The following NRCAM variants were observed in gnomAD, a reference collection of about 807,000 sequenced individuals.
NRCAM encodes NgCAM-related cell adhesion molecule.
In NRCAM, 83 loss-of-function variants were observed where a neutral mutation model predicts 156.5. The observed-to-expected ratio is 0.53, with a 90% CI of 0.44 to 0.64. The LOEUF (loss-of-function observed/expected upper bound fraction) is 0.64. Ranked by LOEUF, NRCAM falls within the 30% of genes least tolerant of loss-of-function variation. The probability of loss-of-function intolerance (pLI) is 0.00; values close to 1 mark genes in which losing one functional copy is unlikely to be tolerated. For missense variants in NRCAM, 1,417 were observed against 1,597.3 expected (o/e 0.89, Z 1.92); for synonymous variants, 538 against 563.9 (o/e 0.95, Z 0.65).
At chr7:108,374,719 T>C (rs1000622764) in intron 2 of NRCAM, among the ~76,000 whole-genome samples, 1 of 152,020 alleles carries the variant, frequency 6.6e-6, no homozygotes, top group African/African-American at 2.4e-5. Flanking sequence ...GCAAGGTAAG[T>C]CCACAAGCAA....
chr7:108,242,736 G>A (rs1375588106), intron 3 of NRCAM, among the ~76,000 whole-genome samples: 4 of 152,100 alleles, frequency 2.6e-5, no homozygotes, highest in African/African-American at 7.2e-5. Context: ...GGACTTAAGT[G>A]CCAAGTTCTC....
chr7:108,147,993 A>AGAC lies in NRCAM; in HGVS notation c.*1914_*1916dup, dbSNP rs2039661906. Reference sequence around the variant, plus strand: ...TGTTTTGTCTTTTTATATTTTCAAGAGACAGGTGGATCTGTGAAAAATGAA... The same window carrying AGAC: ...TGTTTTGTCTTTTTATATTTTCAAGAGACGACAGGTGGATCTGTGAAAAATGAA... On this transcript the variant is annotated 3_prime_UTR_variant, in exon 33 of 33. Transcript: ENST00000379028. 6.6e-6 allele frequency: 1 copy of AGAC among 152,634 alleles called. No individual in the cohort carries two copies. The highest frequency in any genetic ancestry group is 2.4e-5 in the African/African-American group (1 of 41,440). 9.5% of individuals were successfully genotyped at this position (152,634 alleles called of 1,614,324 possible).
At chr7:108,244,536 A>T (rs2095773880) in intron 3 of NRCAM, among the ~76,000 whole-genome samples, 1 of 152,182 alleles carries the variant, frequency 6.6e-6, no homozygotes, top group African/African-American at 2.4e-5. Flanking sequence ...TGTGGAGGAA[A>T]GGTTAGAGAG....
At position 108,292,602 on chromosome 7, in the gene NRCAM, T is replaced by C. The variant is rs374853213; in HGVS notation, c.-107+20063A>G. On this transcript the variant is annotated intron_variant, in intron 3 of 32. Coordinates refer to ENST00000379028, the MANE Select transcript of NRCAM (RefSeq NM_001037132.4). Reference sequence around the variant, plus strand: ...GGCAATGCTTCCTAGTGGTCAAGAATACACACTGGAACCAGTCTGACCTTG... The same window carrying C: ...GGCAATGCTTCCTAGTGGTCAAGAACACACACTGGAACCAGTCTGACCTTG... Among the ~76,000 whole-genome samples, 11 of 152,314 alleles carry C rather than the reference T, an allele frequency of 7.2e-5. 1 individual carries two copies. The highest frequency in any genetic ancestry group is 6.5e-4 in the Admixed American group (10 of 15,298).
intron 2 of NRCAM, among the ~76,000 whole-genome samples, chr7:108,320,330 T>C (rs897392811): frequency 4.2e-4 from 64 of 152,190 alleles, no homozygotes; most frequent in African/African-American, 1.5e-3. Flanking sequence ...CATGGTGGCA[T>C]GCACCTGTGG....
In NRCAM at chr7:108,246,841, A is replaced by C. The variant is rs868541872; in HGVS notation, c.-106-6671T>G. On this transcript the variant is annotated intron_variant, in intron 3 of 32. Transcript: ENST00000379028. The stretch of plus-strand genomic sequence containing the variant: ...TGTTGCATTGGTGGCCCCAGGAAGC[A>C]CCCTTCCCAGTATCCATGCCCTTGC... Among the ~76,000 whole-genome samples the C allele has an allele frequency of 1.8e-4, 27 of 152,256 alleles. No homozygotes were observed. The Middle Eastern group carries it at 0.027, about 153-fold the overall frequency.
chr7:108,373,870 T>C (rs771830273), intron 2 of NRCAM, among the ~76,000 whole-genome samples: 2 of 152,178 alleles, frequency 1.3e-5, no homozygotes, highest in Non-Finnish European at 2.9e-5. Context: ...CAACCACGTT[T>C]ATTCTAAATG....
At chr7:108,448,063 C>T (rs1479100720) in intron 1 of NRCAM, among the ~76,000 whole-genome samples, 1 of 152,138 alleles carries the variant, frequency 6.6e-6, no homozygotes, top group Non-Finnish European at 1.5e-5. Flanking sequence ...ATCTATTTAC[C>T]TTCCATTATA....
chr7:108,386,087 T>C (rs1016783583), intron 2 of NRCAM, among the ~76,000 whole-genome samples: 1 of 152,080 alleles, frequency 6.6e-6, no homozygotes, highest in African/African-American at 2.4e-5. Context: ...GTGATAAGTA[T>C]ATAAGGATGC....
chr7:108,320,423 G>A (rs528241946), intron 2 of NRCAM, among the ~76,000 whole-genome samples: 1 of 151,954 alleles, frequency 6.6e-6, no homozygotes, highest in Non-Finnish European at 1.5e-5. Flanking sequence ...CTCCAGCCTG[G>A]AGAACAGAGC....
Position 108,194,336 on chromosome 7 carries a change from C to T in NRCAM, c.1556G>A (p.Ser519Asn), listed in dbSNP as rs150312966. 8.7e-6 allele frequency: 14 copies of T among 1,613,332 alleles called. No individual in the cohort carries two copies. In the African/African-American group the frequency reaches 1.6e-4, roughly 18 times the overall value. The change falls in exon 16 of 33, where the codon AGT becomes AAT. Residue 519 changes from serine (S) to asparagine (N), a missense_variant. Ser to Asn is a conservative substitution (Grantham distance 46). Around this residue, in one of 2 missense-constraint regions of NRCAM, gnomAD observed 1,238 missense variants for 1,336.4 expected, o/e 0.93. Coordinates refer to ENST00000379028, the MANE Select transcript of NRCAM (RefSeq NM_001037132.4). ...TLEIPVAQKDSTGTYTCVARN... is the reference protein window; with the variant it reads ...TLEIPVAQKDNTGTYTCVARN... ...TGCAACACACGTATAAGTTCCTGTACTGTCCTTTTGGGCCACAGGAATTTC... is the reference window on the plus strand; with the variant it reads ...TGCAACACACGTATAAGTTCCTGTATTGTCCTTTTGGGCCACAGGAATTTC...
intron 3 of NRCAM, among the ~76,000 whole-genome samples, chr7:108,293,081 G>A (rs994175435): frequency 2.0e-5 from 3 of 152,070 alleles, no homozygotes; most frequent in African/African-American, 2.4e-5. Context: ...CCCAGAAAAC[G>A]GGGGTCAATG....
intron 1 of NRCAM, among the ~76,000 whole-genome samples, chr7:108,455,150 G>A (rs1243490184): frequency 6.6e-6 from 1 of 152,138 alleles, no homozygotes; most frequent in African/African-American, 2.4e-5. Context: ...GCGGCCCTGA[G>A]GACACCGCTT....
chr7:108,334,971 T>C (rs2099164330), intron 2 of NRCAM, among the ~76,000 whole-genome samples: 1 of 152,180 alleles, frequency 6.6e-6, no homozygotes, highest in African/African-American at 2.4e-5. Context: ...TAATAAAAGG[T>C]AGCATTTGTT....
At chr7:108,402,183 A>G (rs1038631392) in intron 1 of NRCAM, among the ~76,000 whole-genome samples, 3 of 152,200 alleles carry the variant, frequency 2.0e-5, no homozygotes, top group African/African-American at 7.2e-5. Flanking sequence ...ATTCATGGGT[A>G]AACAATTTTC....
At chr7:108,389,570 T>C (rs1304698051) in intron 2 of NRCAM, among the ~76,000 whole-genome samples, 1 of 152,194 alleles carries the variant, frequency 6.6e-6, no homozygotes, top group Non-Finnish European at 1.5e-5. Flanking sequence ...CTGATTGCCC[T>C]GGGCAGAACT....
intron 3 of NRCAM, among the ~76,000 whole-genome samples, chr7:108,248,945 G>T (rs1230547407): frequency 6.7e-6 from 1 of 148,590 alleles, no homozygotes; most frequent in Non-Finnish European, 1.5e-5. Flanking sequence ...TCATCTCGGC[G>T]ATTAGTCAGG....
chr7:108,344,985 T>C (rs1033733916), intron 2 of NRCAM, among the ~76,000 whole-genome samples: 3 of 152,152 alleles, frequency 2.0e-5, no homozygotes, highest in African/African-American at 4.8e-5. Context: ...ACTCTATCAA[T>C]AGAATAGGAT....
chr7:108,197,990 T>C lies in NRCAM; in HGVS notation c.1317A>G (p.Gly439=). The C allele has an allele frequency of 6.3e-7, 1 of 1,587,236 alleles. No homozygotes were observed. Among genetic ancestry groups the C allele is most frequent in the Non-Finnish European group, 8.6e-7 (1 of 1,169,054 alleles). Residue 439 remains glycine, a synonymous_variant, in exon 14 of 33, where the codon GGA becomes GGG. Transcript: ENST00000379028. The part of the protein sequence containing the change: ...VYQCNASNEY[G]YLLANAFVNV... The stretch of plus-strand genomic sequence containing the variant: ...TTACAAATGCGTTTGCCAGTAAATA[T>C]CCATATTCATTAGAGGCATTGCACT...
Sources: gnomAD v4.1 joint callset for allele counts (sites outside exome capture counted in the v4.1 genomes callset) on GRCh38, gnomAD v4.1.1 for gene constraint, gnomAD v4.1.1 regional missense constraint, MANE v1.5 for transcripts, NCBI Gene and HGNC (gene_info 2026-07-23, HGNC 2026-07-21) for gene names.